The following ANKRD6 variants were observed in gnomAD, a reference collection of about 807,000 sequenced individuals.
ANKRD6 encodes ankyrin repeat domain 6.
ANKRD6 carries 56 observed loss-of-function variants against 82.3 expected under a neutral mutation model. The ratio of observed to expected loss-of-function variants is 0.68; its 90% CI spans 0.55 to 0.85. The LOEUF (loss-of-function observed/expected upper bound fraction) is 0.85. Among genes scored for constraint, ANKRD6 ranks in the 40% least tolerant of loss-of-function variants. The pLI, the probability that ANKRD6 is intolerant of heterozygous loss-of-function variation, is 0.00. For synonymous variants in ANKRD6, 347 were observed against 352.1 expected (o/e 0.99, Z 0.16); for missense variants, 852 against 907.6 (o/e 0.94, Z 0.79).
intron 1 of ANKRD6, among the ~76,000 whole-genome samples, chr6:89,444,276 A>T (rs2127943979): frequency 6.6e-6 from 1 of 152,334 alleles, no homozygotes; most frequent in South Asian, 2.1e-4. Flanking sequence ...TGCTGTTCAA[A>T]AACTTAGGAG....
chr6:89,590,437 A>AG (rs1794660360), intron 2 of ANKRD6, among the ~76,000 whole-genome samples: 1 of 152,170 alleles, frequency 6.6e-6, no homozygotes, highest in African/African-American at 2.4e-5. Context: ...GAGACTCTGG[A>AG]GGGAGAGGCT....
At position 89,602,981 on chromosome 6, in the gene ANKRD6, G is replaced by A. The variant is rs763485797; in HGVS notation, c.220-48G>A. 3.4e-6 allele frequency: 5 copies of A among 1,474,668 alleles called. No homozygotes were observed. In the South Asian group the frequency reaches 3.6e-5, roughly 11 times the overall value. 91.3% of individuals were successfully genotyped at this position (1,474,668 alleles called of 1,614,324 possible). On this transcript the variant is annotated intron_variant, in intron 3 of 15. Transcript: ENST00000339746. ...GTGTCAAGTGAGTAGTGCAAGCAGG[G>A]GGTGCAGGGGAGCTGACTGCTGTTC...
Position 89,616,548 on chromosome 6 carries a change from A to G in ANKRD6, c.616-11A>G. On this transcript the variant is annotated splice_polypyrimidine_tract_variant and intron_variant, in intron 7 of 15. Transcript: ENST00000339746. ...CAGATGAGGTTTAGCAGACCTTCTA[A>G]TCAATTCCAGGCTGGAGACACAGCA... The G allele has an allele frequency of 6.2e-7, 1 of 1,613,912 alleles. No homozygotes were observed. The highest frequency in any genetic ancestry group is 1.1e-5 in the South Asian group (1 of 91,084).
chr6:89,496,162 CTT>C (rs1778588778), intron 1 of ANKRD6, among the ~76,000 whole-genome samples: 1 of 150,476 alleles, frequency 6.6e-6, no homozygotes, highest in Admixed American at 6.6e-5. Context: ...GATTAGCAAG[CTT>C]TTTTCCACAC....
intron 1 of ANKRD6, among the ~76,000 whole-genome samples, chr6:89,508,247 C>T (rs752259486): frequency 3.9e-5 from 6 of 152,196 alleles, no homozygotes; most frequent in Admixed American, 6.5e-5. Flanking sequence ...CAGTCTAAGA[C>T]ATTGGCTAGG....
intron 3 of ANKRD6, among the ~76,000 whole-genome samples, chr6:89,599,307 A>C (rs1453080625): frequency 1.3e-5 from 2 of 152,174 alleles, no homozygotes; most frequent in African/African-American, 4.8e-5. Flanking sequence ...TGGGAGGTGG[A>C]GGTTGCAGTG....
At chr6:89,486,260 T>C (rs1398938410) in intron 1 of ANKRD6, among the ~76,000 whole-genome samples, 1 of 152,168 alleles carries the variant, frequency 6.6e-6, no homozygotes, top group Non-Finnish European at 1.5e-5. Flanking sequence ...GCACTTGAGA[T>C]TGGCATTGCA....
chr6:89,539,324 T>C (rs1427918173), intron 1 of ANKRD6, among the ~76,000 whole-genome samples: 6 of 152,196 alleles, frequency 3.9e-5, no homozygotes, highest in African/African-American at 1.4e-4. Context: ...ACTGTTTTTT[T>C]CTACGGTGAT....
At position 89,590,694 on chromosome 6, in the gene ANKRD6, A is replaced by G. The variant is rs570100904; in HGVS notation, c.121-5222A>G. The stretch of plus-strand genomic sequence containing the variant: ...AACTTTGCTCCTACCCTTACCCCCA[A>G]CACAACCAGGGCAGCACACAGAGTG... On this transcript the variant is annotated intron_variant, in intron 2 of 15. Coordinates refer to ENST00000339746, the MANE Select transcript of ANKRD6 (RefSeq NM_001242809.2). Among the ~76,000 whole-genome samples the G allele has an allele frequency of 8.4e-4, 128 of 152,242 alleles. 2 individuals are homozygous for G. The highest frequency in any genetic ancestry group is 8.0e-3 in the Admixed American group (122 of 15,288).
intron 1 of ANKRD6, among the ~76,000 whole-genome samples, chr6:89,517,210 C>T (rs1364318523): frequency 6.6e-6 from 1 of 152,192 alleles, no homozygotes; most frequent in Non-Finnish European, 1.5e-5. Flanking sequence ...TAATTTGTTA[C>T]AGCAGCCACA....
At position 89,629,118 on chromosome 6, in the gene ANKRD6, TTGG is replaced by T; in HGVS notation, c.1496_1498del (p.Val499del). 1.2e-6 allele frequency: 2 copies of T among 1,613,040 alleles called. No homozygotes were observed. Among genetic ancestry groups the T allele is most frequent in the Non-Finnish European group, 1.7e-6 (2 of 1,179,582 alleles). On this transcript the variant is annotated inframe_deletion, in exon 15 of 16. Coordinates refer to ENST00000339746, the MANE Select transcript of ANKRD6 (RefSeq NM_001242809.2). ...GTTTGTTTTTTTTTTTAAGATATCC[TTGG>T]TGGATGAATTAAAAACCTGGTGCAT...
chr6:89,479,537 A>G (rs1203643861), intron 1 of ANKRD6, among the ~76,000 whole-genome samples: 1 of 152,010 alleles, frequency 6.6e-6, no homozygotes, highest in African/African-American at 2.4e-5. Context: ...ATAGTGCTGT[A>G]GCATACATTT....
intron 1 of ANKRD6, among the ~76,000 whole-genome samples, chr6:89,446,146 A>T (rs1772055139): frequency 1.3e-5 from 2 of 151,878 alleles, no homozygotes; most frequent in African/African-American, 4.8e-5. Context: ...TGAGGTCAGG[A>T]GTTTGAGACC....
chr6:89,617,781 G>A (rs1450037000), intron 8 of ANKRD6, among the ~76,000 whole-genome samples, 173 bp from the exon 9 acceptor site: 1 of 152,234 alleles, frequency 6.6e-6, no homozygotes, highest in South Asian at 2.1e-4. Flanking sequence ...TCACTGGAGG[G>A]TCTGAGGCTG....
At chr6:89,623,816 T>C in intron 11 of ANKRD6, 56 bp from the exon 12 acceptor site, 1 of 1,535,286 alleles carries the variant, frequency 6.5e-7, no homozygotes, top group South Asian at 1.3e-5. Context: ...CACCGACTGG[T>C]GTCAGTCTTG....
intron 1 of ANKRD6, among the ~76,000 whole-genome samples, chr6:89,530,486 G>A (rs1031291307): frequency 6.6e-6 from 1 of 152,092 alleles, no homozygotes; most frequent in African/African-American, 2.4e-5. Context: ...GTAGTTCACT[G>A]TTTTTTGTTT....
intron 2 of ANKRD6, among the ~76,000 whole-genome samples, chr6:89,570,403 AC>A (rs1445984797): frequency 6.6e-6 from 1 of 152,240 alleles, no homozygotes; most frequent in African/African-American, 2.4e-5. Flanking sequence ...GGTAAAATAT[AC>A]ATAGTAAATG....
intron 2 of ANKRD6, among the ~76,000 whole-genome samples, chr6:89,594,141 C>T (rs1001977887): frequency 1.3e-5 from 2 of 152,138 alleles, no homozygotes; most frequent in African/African-American, 4.8e-5. Context: ...CAAAAAATGC[C>T]AAATTATATT....
At chr6:89,460,011 A>G (rs1297937628) in intron 1 of ANKRD6, among the ~76,000 whole-genome samples, 1 of 151,940 alleles carries the variant, frequency 6.6e-6, no homozygotes, top group Non-Finnish European at 1.5e-5. Context: ...CATTCTAAGA[A>G]ATAAAGTATT....
Sources: gnomAD v4.1 joint callset for allele counts (sites outside exome capture counted in the v4.1 genomes callset) on GRCh38, gnomAD v4.1.1 for gene constraint, MANE v1.5 for transcripts, NCBI Gene and HGNC (gene_info 2026-07-23, HGNC 2026-07-21) for gene names.